NTM: variants seen among roughly 807,000 people sequenced by gnomAD.
The protein encoded by NTM is neurotrimin.
A neutral mutation model predicts 42.1 loss-of-function variants in NTM; 13 were observed. That is an observed-to-expected ratio of 0.31 (90% CI 0.20 to 0.49). The LOEUF is 0.49. Among genes scored for constraint, NTM ranks in the 20% least tolerant of loss-of-function variants. The probability of loss-of-function intolerance (pLI) is 0.99; values close to 1 mark genes in which losing one functional copy is unlikely to be tolerated. For synonymous variants in NTM, 187 were observed against 179.2 expected (o/e 1.04, Z -0.35); for missense variants, 373 against 452.8 (o/e 0.82, Z 1.60).
At chr11:132,078,539 A>T (rs1489820761) in intron 2 of NTM, among the ~76,000 whole-genome samples, 1 of 152,194 alleles carries the variant, frequency 6.6e-6, no homozygotes, top group East Asian at 1.9e-4. Flanking sequence ...AATGGAGGGG[A>T]ACTGGGAGTC....
intron 1 of NTM, among the ~76,000 whole-genome samples, chr11:131,803,119 G>A (rs955616901): frequency 1.3e-5 from 2 of 151,180 alleles, no homozygotes; most frequent in African/African-American, 4.9e-5. Flanking sequence ...TTCCCCCTAT[G>A]GCAGGAGGTC....
At chr11:131,407,369 C>T (rs1945911425) in intron 1 of NTM, among the ~76,000 whole-genome samples, 1 of 152,192 alleles carries the variant, frequency 6.6e-6, no homozygotes, top group South Asian at 2.1e-4. Flanking sequence ...AGTTTGTATA[C>T]AAGAGCTACA....
intron 1 of NTM, among the ~76,000 whole-genome samples, chr11:131,709,908 T>G (rs1452752231): frequency 6.6e-6 from 1 of 151,542 alleles, no homozygotes; most frequent in East Asian, 1.9e-4. Flanking sequence ...AAGGAAAAAA[T>G]AAGACAAAAC....
At chr11:131,418,804 T>A (rs1323462015) in intron 1 of NTM, among the ~76,000 whole-genome samples, 1 of 152,224 alleles carries the variant, frequency 6.6e-6, no homozygotes, top group Non-Finnish European at 1.5e-5. Context: ...ACCAAGGTTT[T>A]GTCTGTCAGC....
chr11:131,732,747 T>C (rs1399377728), intron 1 of NTM, among the ~76,000 whole-genome samples: 2 of 152,214 alleles, frequency 1.3e-5, no homozygotes, highest in African/African-American at 4.8e-5. Flanking sequence ...GAGTAATTCT[T>C]AGCGGAGTCT....
chr11:131,807,096 C>T (rs1462892659), intron 1 of NTM, among the ~76,000 whole-genome samples: 1 of 152,102 alleles, frequency 6.6e-6, no homozygotes. Context: ...AAGGAACATT[C>T]CAGTCCAAGG....
intron 1 of NTM, among the ~76,000 whole-genome samples, chr11:131,852,250 G>A (rs1009966116): frequency 7.9e-5 from 12 of 152,062 alleles, no homozygotes; most frequent in Non-Finnish European, 1.5e-4. Context: ...GATGATCTAT[G>A]GGAAATTAAC....
rs1020720377 is a variant in NTM at position 132,070,602 on chromosome 11, C to T, written c.168-75680C>T. 2.3e-5 allele frequency among the ~76,000 whole-genome samples: 3 copies of T among 129,176 alleles called. 1 individual carries two copies. Among genetic ancestry groups the T allele is most frequent in the Non-Finnish European group, 5.1e-5 (3 of 58,794 alleles). 84.7% of individuals were successfully genotyped at this position (129,176 alleles called of 152,430 possible). A position where few individuals can be genotyped will look rare whatever the true frequency, so the allele number is the denominator to read the frequency against. On this transcript the variant is annotated intron_variant, in intron 2 of 8. Coordinates refer to ENST00000683400, the MANE Select transcript of NTM (RefSeq NM_001352005.2). ...AGTTAACACGTCAAACTGACCATCACAGGTTAGTTAACACATCACACAGCC... is the reference window on the plus strand; with the variant it reads ...AGTTAACACGTCAAACTGACCATCATAGGTTAGTTAACACATCACACAGCC...
At chr11:132,060,500 C>T (rs2080485995) in intron 2 of NTM, among the ~76,000 whole-genome samples, 2 of 143,528 alleles carry the variant, frequency 1.4e-5, no homozygotes. Context: ...AACTGCTGTC[C>T]TCCGCTGATG....
At chr11:131,481,620 G>T (rs1011759718) in intron 1 of NTM, among the ~76,000 whole-genome samples, 1 of 44,752 alleles carries the variant, frequency 2.2e-5, no homozygotes, top group African/African-American at 1.8e-4. Flanking sequence ...CTGTGTGGTT[G>T]CAGGGCCCTG....
At chr11:131,575,450 G>C (rs549668054) in intron 1 of NTM, among the ~76,000 whole-genome samples, 4 of 152,244 alleles carry the variant, frequency 2.6e-5, no homozygotes, top group Middle Eastern at 3.4e-3. Flanking sequence ...ACAACATATA[G>C]AGATGTTCAG....
intron 3 of NTM, 48 bp from the exon 4 acceptor site, chr11:132,211,974 G>A (rs977740096): frequency 2.5e-6 from 4 of 1,585,030 alleles, no homozygotes; most frequent in Non-Finnish European, 3.4e-6. Context: ...AGACAACTAA[G>A]AAATGTTTCA....
At chr11:131,626,103 ATAAAT>A (rs555813198) in intron 1 of NTM, among the ~76,000 whole-genome samples, 6 of 152,260 alleles carry the variant, frequency 3.9e-5, no homozygotes, top group African/African-American at 1.4e-4. Flanking sequence ...ATTTATTAAA[ATAAAT>A]TTAATTTTAA....
intron 1 of NTM, among the ~76,000 whole-genome samples, chr11:131,902,534 G>A (rs1465147544): frequency 6.6e-6 from 1 of 152,210 alleles, no homozygotes; most frequent in African/African-American, 2.4e-5. Context: ...TTCAGATTCT[G>A]TGCAGCCTTG....
chr11:131,837,952 A>G (rs545743103), intron 1 of NTM, among the ~76,000 whole-genome samples: 2 of 152,292 alleles, frequency 1.3e-5, no homozygotes, highest in South Asian at 4.2e-4. Context: ...GAGTTTTCAG[A>G]CAGGTTGGCC....
At chr11:132,193,693 G>A (rs1054679982) in intron 3 of NTM, among the ~76,000 whole-genome samples, 14 of 151,762 alleles carry the variant, frequency 9.2e-5, no homozygotes, top group Admixed American at 2.0e-4. Flanking sequence ...ATTGAGATGC[G>A]AAAATCCATA....
chr11:132,169,073 A>G (rs2075722541), intron 3 of NTM, among the ~76,000 whole-genome samples: 2 of 152,062 alleles, frequency 1.3e-5, no homozygotes, highest in South Asian at 4.1e-4. Context: ...GGTTTCTAAT[A>G]TTCCTAGGAT....
At chr11:131,497,698 C>T (rs1955499067) in intron 1 of NTM, among the ~76,000 whole-genome samples, 1 of 152,182 alleles carries the variant, frequency 6.6e-6, no homozygotes, top group Admixed American at 6.5e-5. Context: ...AGTTCTGAGT[C>T]TTCTCTCCAA....
intron 1 of NTM, among the ~76,000 whole-genome samples, chr11:131,434,296 T>C (rs949629524): frequency 6.6e-6 from 1 of 152,252 alleles, no homozygotes; most frequent in East Asian, 1.9e-4. Flanking sequence ...CCTTTGGGTA[T>C]ATACCCAGTA....
Sources: allele counts gnomAD v4.1 joint callset (sites outside exome capture counted in the v4.1 genomes callset), GRCh38; gene constraint gnomAD v4.1.1; transcripts MANE v1.5; gene names NCBI Gene and HGNC (gene_info 2026-07-23, HGNC 2026-07-21).